TFCP2: variants seen among roughly 807,000 people sequenced by gnomAD.
TFCP2 encodes the protein transcription factor CP2, also known as alpha-globin transcription factor CP2.
TFCP2 carries 33 observed loss-of-function variants against 73.4 expected under a neutral mutation model. The observed-to-expected ratio is 0.45, with a 90% CI of 0.34 to 0.60. The LOEUF is 0.60. TFCP2 is among the 20% of genes least tolerant of loss of function. The pLI is 0.01. For missense variants in TFCP2, 352 were observed against 604.0 expected (o/e 0.58, Z 4.37); for synonymous variants, 193 against 211.6 (o/e 0.91, Z 0.76).
intron 11 of TFCP2, among the ~76,000 whole-genome samples, chr12:51,101,197 C>A (rs1013319704): frequency 2.8e-4 from 43 of 152,066 alleles, no homozygotes; most frequent in African/African-American, 8.2e-4. Flanking sequence ...CCCAGCTACT[C>A]GGGAGGCTGA....
rs571098209 is a variant in TFCP2, at chr12:51,137,641, G to A, written c.123-18869C>T. Among the ~76,000 whole-genome samples the A allele has an allele frequency of 5.9e-5, 9 of 152,156 alleles. No homozygotes were observed. In the South Asian group the frequency reaches 1.9e-3, roughly 32 times the overall value. ...TACTAGGCTCTTTTATTAAATTTCT[G>A]AAATCACTGACTCTTTCCAGTTAGG... On this transcript the variant is annotated intron_variant, in intron 1 of 14. Coordinates refer to ENST00000257915, the MANE Select transcript of TFCP2 (RefSeq NM_005653.5).
intron 1 of TFCP2, among the ~76,000 whole-genome samples, chr12:51,168,245 A>T (rs1565582759): frequency 1.3e-5 from 2 of 151,990 alleles, no homozygotes. Flanking sequence ...AACATTTAAA[A>T]ATCAGCCAGA....
In TFCP2 at chr12:51,151,496, G is replaced by A. The variant is rs187307080; in HGVS notation, c.122+20805C>T. Among the ~76,000 whole-genome samples, 21 of 152,114 alleles carry A rather than the reference G, an allele frequency of 1.4e-4. No homozygotes were observed. The East Asian group carries it at 4.1e-3, about 29-fold the overall frequency. Reference sequence around the variant, plus strand: ...CTGTCGCCCAGGCTGGAGTGCAGTGGCGCGATCTCGGCTCACTGCAAGCTC... The same window carrying A: ...CTGTCGCCCAGGCTGGAGTGCAGTGACGCGATCTCGGCTCACTGCAAGCTC... On this transcript the variant is annotated intron_variant, in intron 1 of 14. Transcript: ENST00000257915.
chr12:51,116,388 C>T lies in TFCP2; in HGVS notation c.384G>A (p.Arg128=). The part of the protein sequence containing the change: ...SIFRVVFHDR[R]LQYTEHQQLE... ...GCTGCTGATGCTCAGTGTACTGAAG[C>T]CTTCTGTCATGGAACACCACACGGA... The change falls in exon 4 of 15, where the codon AGG becomes AGA. Residue 128 remains arginine, a synonymous_variant. Coordinates refer to ENST00000257915, the MANE Select transcript of TFCP2 (RefSeq NM_005653.5). 1 of 1,603,860 alleles carries T rather than the reference C, an allele frequency of 6.2e-7. No individual in the cohort carries two copies. The highest frequency in any genetic ancestry group is 8.5e-7 in the Non-Finnish European group (1 of 1,174,030).
chr12:51,158,679 G>C (rs1371020037), intron 1 of TFCP2, among the ~76,000 whole-genome samples: 2 of 151,546 alleles, frequency 1.3e-5, no homozygotes, highest in Non-Finnish European at 2.9e-5. Context: ...AGTAAAGACA[G>C]GGTCTCACCA....
intron 14 of TFCP2, 50 bp from the exon 15 acceptor site, chr12:51,095,328 ACAG>A: frequency 6.3e-7 from 1 of 1,583,020 alleles, no homozygotes; most frequent in Non-Finnish European, 8.7e-7. Flanking sequence ...CCTCTAAAAC[ACAG>A]CAGGAGAAAA....
At chr12:51,159,528 G>A (rs2730646) in intron 1 of TFCP2, among the ~76,000 whole-genome samples, 78,272 of 151,302 alleles carry the variant, frequency 0.52, 22,036 homozygotes, top group Non-Finnish European at 0.64. Context: ...TAGTAGAGAC[G>A]GGGTTTCACC....
intron 1 of TFCP2, among the ~76,000 whole-genome samples, chr12:51,136,987 T>C (rs1414754857): frequency 6.6e-6 from 1 of 152,172 alleles, no homozygotes. Context: ...ATCTGGATTT[T>C]ATGCTGTCCC....
Position 51,155,716 on chromosome 12 carries a change from TTGA to T in TFCP2, c.122+16582_122+16584del, listed in dbSNP as rs142635408. 1.5e-3 allele frequency among the ~76,000 whole-genome samples: 226 copies of T among 152,318 alleles called. 1 individual carries two copies. Among genetic ancestry groups the T allele is most frequent in the Non-Finnish European group, 2.2e-3 (151 of 68,034 alleles). ...TTAAATCTGGTTTGCTGGTATTTTG[TTGA>T]TGATTTTTACATCAATGTTTCTAAG... On this transcript the variant is annotated intron_variant, in intron 1 of 14. Transcript: ENST00000257915.
At chr12:51,156,210 T>C (rs1011028794) in intron 1 of TFCP2, among the ~76,000 whole-genome samples, 4 of 152,188 alleles carry the variant, frequency 2.6e-5, no homozygotes, top group African/African-American at 9.6e-5. Flanking sequence ...ATTTGGCTTA[T>C]GGTTCTGCAG....
At chr12:51,112,554 G>A (rs1940427596) in intron 4 of TFCP2, among the ~76,000 whole-genome samples, 1 of 152,122 alleles carries the variant, frequency 6.6e-6, no homozygotes, top group South Asian at 2.1e-4. Flanking sequence ...ATGAATGAAA[G>A]TGGGAAAATT....
intron 8 of TFCP2, among the ~76,000 whole-genome samples, chr12:51,104,964 C>T (rs1012949067): frequency 3.9e-5 from 6 of 151,934 alleles, no homozygotes; most frequent in Non-Finnish European, 7.4e-5. Context: ...CGCCCGCCTC[C>T]GCCTCCCAAA....
At chr12:51,135,632 C>T (rs916017931) in intron 1 of TFCP2, among the ~76,000 whole-genome samples, 6 of 152,020 alleles carry the variant, frequency 3.9e-5, no homozygotes, top group African/African-American at 1.2e-4. Context: ...GAGCTTTAGG[C>T]CATATCCCAT....
At chr12:51,107,732 C>G (rs542174828) in intron 6 of TFCP2, among the ~76,000 whole-genome samples, 239 of 151,862 alleles carry the variant, frequency 1.6e-3, no homozygotes, top group Middle Eastern at 6.8e-3. Flanking sequence ...TCAGCCTCCC[C>G]AGTAGCTGGG....
chr12:51,130,634 G>A (rs1940920515), intron 1 of TFCP2, among the ~76,000 whole-genome samples: 1 of 152,154 alleles, frequency 6.6e-6, no homozygotes, highest in South Asian at 2.1e-4. Context: ...AGAGCCAAAT[G>A]ATAACTATAA....
At chr12:51,154,609 G>A (rs1941498962) in intron 1 of TFCP2, among the ~76,000 whole-genome samples, 1 of 152,146 alleles carries the variant, frequency 6.6e-6, no homozygotes, top group Non-Finnish European at 1.5e-5. Context: ...CACAAGAATT[G>A]CTTGAACCTG....
chr12:51,124,912 C>T (rs779411191), intron 1 of TFCP2: 10 of 914,606 alleles, frequency 1.1e-5, no homozygotes, highest in Admixed American at 6.9e-5. Context: ...GTCAAGGACA[C>T]GTCGTCCAGG....
intron 1 of TFCP2, among the ~76,000 whole-genome samples, chr12:51,155,584 G>GT (rs1188175544): frequency 6.6e-6 from 1 of 152,294 alleles, no homozygotes; most frequent in East Asian, 1.9e-4. Flanking sequence ...ATCCTAATGG[G>GT]TGTGAGGTAG....
chr12:51,103,962 A>C, intron 9 of TFCP2, 193 bp downstream of exon 9: 2 of 702,246 alleles, frequency 2.8e-6, no homozygotes, highest in Non-Finnish European at 4.9e-6. Context: ...GCTCAAATGG[A>C]AAGGTCCTGC....
Sources: gnomAD v4.1 joint callset for allele counts (sites outside exome capture counted in the v4.1 genomes callset) on GRCh38, gnomAD v4.1.1 for gene constraint, MANE v1.5 for transcripts, NCBI Gene and HGNC (gene_info 2026-07-23, HGNC 2026-07-21) for gene names.